Variants in DACH2 observed in about 807,000 individuals in gnomAD.
DACH2 encodes dachshund homolog 2.
A neutral mutation model predicts 35.8 loss-of-function variants in DACH2; 17 were observed. That is an observed-to-expected ratio of 0.48 (90% CI 0.33 to 0.71). The LOEUF is 0.71. DACH2 is among the 30% of genes least tolerant of loss of function. The probability of loss-of-function intolerance (pLI) is 0.02; values close to 1 mark genes in which losing one functional copy is unlikely to be tolerated. For missense variants in DACH2, 469 were observed against 472.7 expected, an observed-to-expected ratio of 0.99 and a Z score of 0.07; for synonymous variants, 195 against 177.3, an observed-to-expected ratio of 1.10 and a Z score of -0.79.
intron 2 of DACH2, among the ~76,000 whole-genome samples, chrX:86,408,052 G>A (rs776362816): frequency 9.0e-6 from 1 of 110,575 alleles, no homozygotes; most frequent in African/African-American, 3.3e-5. Flanking sequence ...CTTTCACCAC[G>A]CTGCTTGGCT....
At chrX:86,338,994 C>T (rs748659417) in intron 1 of DACH2, among the ~76,000 whole-genome samples, 2 of 111,772 alleles carry the variant, frequency 1.8e-5, no homozygotes, top group Admixed American at 9.5e-5. Flanking sequence ...TGGACATATA[C>T]ATCCTCCCAA....
chrX:86,409,696 C>T (rs1004179793), intron 2 of DACH2, among the ~76,000 whole-genome samples: 1 of 111,585 alleles, frequency 9.0e-6, no homozygotes, highest in Non-Finnish European at 1.9e-5. Flanking sequence ...AAACCTTTTT[C>T]GTTTATAAAT....
chrX:86,562,781 TTTTGCA>T (rs759552867), intron 3 of DACH2, among the ~76,000 whole-genome samples: 1 of 111,549 alleles, frequency 9.0e-6, no homozygotes, highest in Non-Finnish European at 1.9e-5. Flanking sequence ...AGAACTCTGC[TTTTGCA>T]TGTTATTATT....
chrX:86,285,860 A>G (rs917122986), intron 1 of DACH2, among the ~76,000 whole-genome samples: 6 of 110,877 alleles, frequency 5.4e-5, no homozygotes, highest in South Asian at 7.6e-4. Flanking sequence ...TGTTGGGTGT[A>G]TATATATTTA....
At chrX:86,220,514 C>T (rs1253116215) in intron 1 of DACH2, among the ~76,000 whole-genome samples, 1 of 111,800 alleles carries the variant, frequency 8.9e-6, no homozygotes, top group Non-Finnish European at 1.9e-5. Flanking sequence ...GCATAATGTC[C>T]TCTAGGTTCA....
intron 3 of DACH2, among the ~76,000 whole-genome samples, chrX:86,583,484 C>A (rs1311503274): frequency 1.8e-5 from 2 of 110,956 alleles, no homozygotes; most frequent in Non-Finnish European, 3.8e-5. Context: ...CCAAAAGCTC[C>A]TTGATTCAAT....
intron 2 of DACH2, among the ~76,000 whole-genome samples, chrX:86,511,146 T>C (rs1214061555): frequency 9.0e-6 from 1 of 111,659 alleles, no homozygotes; most frequent in African/African-American, 3.3e-5. Context: ...TATGGCAAGA[T>C]CATATATCAA....
intron 2 of DACH2, among the ~76,000 whole-genome samples, chrX:86,507,931 C>T (rs1216471078): frequency 9.0e-6 from 1 of 111,163 alleles, no homozygotes; most frequent in African/African-American, 3.3e-5. Context: ...TATTGCAACA[C>T]ATATTATGAT....
intron 4 of DACH2, among the ~76,000 whole-genome samples, chrX:86,690,465 A>T (rs1439178927): frequency 2.7e-5 from 3 of 111,645 alleles, no homozygotes; most frequent in African/African-American, 9.7e-5. Context: ...AACTAAGTGG[A>T]TAAAAAGGTC....
intron 1 of DACH2, among the ~76,000 whole-genome samples, chrX:86,233,092 A>G (rs2032984010): frequency 8.9e-6 from 1 of 112,040 alleles, no homozygotes; most frequent in African/African-American, 3.3e-5. Flanking sequence ...GCAGGAACAG[A>G]AAAAGCAAAT....
At chrX:86,746,534 G>A (rs1276040930) in intron 7 of DACH2, among the ~76,000 whole-genome samples, 1 of 111,349 alleles carries the variant, frequency 9.0e-6, no homozygotes, top group Non-Finnish European at 1.9e-5. Context: ...TGTGTTTATT[G>A]GCTATTTATA....
chrX:86,377,478 G>C (rs2035985957), intron 2 of DACH2, among the ~76,000 whole-genome samples: 1 of 110,629 alleles, frequency 9.0e-6, no homozygotes, highest in African/African-American at 3.3e-5. Flanking sequence ...TTAGTAAAAG[G>C]GCAATCAGAG....
chrX:86,164,515 A>G (rs2030875977), intron 1 of DACH2, among the ~76,000 whole-genome samples: 1 of 111,177 alleles, frequency 9.0e-6, no homozygotes, highest in South Asian at 3.8e-4. Flanking sequence ...GCCCGTTCCT[A>G]TGTCCAGGAT....
chrX:86,815,487 A>C (rs1209632842), intron 10 of DACH2, among the ~76,000 whole-genome samples: 1 of 109,673 alleles, frequency 9.1e-6, no homozygotes, highest in Non-Finnish European at 1.9e-5. Flanking sequence ...TTACCTGAAC[A>C]GCACAATCAT....
intron 2 of DACH2, among the ~76,000 whole-genome samples, chrX:86,415,810 C>A (rs1311982263): frequency 1.8e-5 from 2 of 111,616 alleles, no homozygotes; most frequent in Non-Finnish European, 3.8e-5. Flanking sequence ...TTTTCTTTGA[C>A]CAGAAAATAA....
chrX:86,498,208 C>CT (rs35337222), intron 2 of DACH2, among the ~76,000 whole-genome samples: 28,957 of 108,133 alleles, frequency 0.27, 3,169 homozygotes, highest in African/African-American at 0.37. Context: ...ACTTAGGCCT[C>CT]TTTTTTTTTA....
intron 2 of DACH2, among the ~76,000 whole-genome samples, chrX:86,392,311 C>A (rs1333413806): frequency 9.0e-6 from 1 of 111,545 alleles, no homozygotes; most frequent in African/African-American, 3.3e-5. Flanking sequence ...CATATTGTTT[C>A]TGTTTTCTAG....
At chrX:86,797,589 G>A (rs1050639829) in intron 7 of DACH2, among the ~76,000 whole-genome samples, 4 of 111,264 alleles carry the variant, frequency 3.6e-5, no homozygotes, top group African/African-American at 1.3e-4. Flanking sequence ...AGGAATTTTA[G>A]CATTAATAAA....
rs755837512 is a variant in DACH2 at position 86,401,760 on chromosome X, A to G, written c.527+24898A>G. Among the ~76,000 whole-genome samples the G allele has an allele frequency of 5.4e-5, 6 of 110,192 alleles. No homozygotes were observed. The East Asian group carries it at 1.4e-3, about 26-fold the overall frequency. On this transcript the variant is annotated intron_variant, in intron 2 of 11. Coordinates refer to ENST00000373125, the MANE Select transcript of DACH2 (RefSeq NM_053281.3). ...AAAAAAACTTCAGATTAATGCCCCGATGAACATAGATGAAAGAAATCCTCA... is the reference window on the plus strand; with the variant it reads ...AAAAAAACTTCAGATTAATGCCCCGGTGAACATAGATGAAAGAAATCCTCA...
Sources: gnomAD v4.1 joint callset for allele counts (sites outside exome capture counted in the v4.1 genomes callset) on GRCh38, gnomAD v4.1.1 for gene constraint, MANE v1.5 for transcripts, NCBI Gene and HGNC (gene_info 2026-07-23, HGNC 2026-07-21) for gene names.